The following ACTR3C variants were observed in gnomAD, a reference collection of about 807,000 sequenced individuals.
ACTR3C encodes the protein actin-related protein 3C.
Under a neutral mutation model 26.3 loss-of-function variants are expected in ACTR3C, and 18 were observed. The ratio of observed to expected loss-of-function variants is 0.68; its 90% confidence interval spans 0.47 to 1.01. The LOEUF is 1.01. ACTR3C is among the 50% of genes least tolerant of loss of function. ACTR3C has a pLI of 0.00. For synonymous variants in ACTR3C, 55 were observed against 94.5 expected (o/e 0.58, Z 2.42); for missense variants, 184 against 250.7 (o/e 0.73, Z 1.80).
chr7:150,253,324 T>C (rs1832977392), intron 6 of ACTR3C, among the ~76,000 whole-genome samples: 1 of 152,234 alleles, frequency 6.6e-6, no homozygotes, highest in South Asian at 2.1e-4. Context: ...TAAGTCTGCA[T>C]AGCTTTCCAG....
At position 150,302,302 on chromosome 7, in the gene ACTR3C, G is replaced by A. The variant is rs577463529; in HGVS notation, c.-51-6955C>T. ...AGCAAGCCTCTTGCGCGGTGCTGAC[G>A]GCAGTCTGAAATGGCACACTGTGCA... is the stretch of plus-strand genomic sequence containing the variant. On this transcript the variant is annotated intron_variant, in intron 1 of 7. Transcript: ENST00000683684. 1.7e-3 allele frequency among the ~76,000 whole-genome samples: 263 copies of A among 152,262 alleles called. 1 individual carries two copies. Among genetic ancestry groups the A allele is most frequent in the African/African-American group, 5.9e-3 (244 of 41,510 alleles).
At chr7:149,975,323 G>A in the ACTR3C span, among the ~76,000 whole-genome samples, 1 of 151,966 alleles carries the variant, frequency 6.6e-6, no homozygotes, top group Non-Finnish European at 1.5e-5. Flanking sequence ...GAAACCACAA[G>A]GGAAACACAA....
the ACTR3C span, among the ~76,000 whole-genome samples, chr7:150,149,087 A>G: frequency 0.038 from 432 of 11,278 alleles, 21 homozygotes; most frequent in Non-Finnish European, 0.072. Flanking sequence ...GAGTATATAT[A>G]TATATATATA....
At chr7:150,108,087 A>G in the ACTR3C span, among the ~76,000 whole-genome samples, 15,034 of 138,720 alleles carry the variant, frequency 0.11, 1,067 homozygotes, top group African/African-American at 0.17. Flanking sequence ...GTGATCTGAT[A>G]GCAGTGGGTA....
the ACTR3C span, among the ~76,000 whole-genome samples, chr7:149,937,418 A>G: frequency 0.96 from 144,651 of 151,282 alleles, 69,397 homozygotes; most frequent in East Asian, 1. Context: ...AAAGCAGACA[A>G]GATGAAAGAC....
the ACTR3C span, chr7:150,001,015 C>T: frequency 0.015 from 2,347 of 151,912 alleles, 17 homozygotes; most frequent in African/African-American, 0.055. Flanking sequence ...CATCACCAGA[C>T]GACACCCAAG....
the ACTR3C span, among the ~76,000 whole-genome samples, chr7:149,996,011 G>A: frequency 6.6e-6 from 1 of 152,006 alleles, no homozygotes; most frequent in African/African-American, 2.4e-5. Flanking sequence ...CACCTGTGCG[G>A]TATGTGCAGT....
At chr7:150,126,392 T>C in the ACTR3C span, among the ~76,000 whole-genome samples, 8 of 152,224 alleles carry the variant, frequency 5.3e-5, no homozygotes, top group Non-Finnish European at 1.2e-4. Flanking sequence ...CACTTCTTTT[T>C]TGGGGTCACA....
At chr7:150,297,599 C>T (rs1299080075) in intron 1 of ACTR3C, among the ~76,000 whole-genome samples, 3 of 152,214 alleles carry the variant, frequency 2.0e-5, no homozygotes, top group Non-Finnish European at 4.4e-5. Context: ...TGCCTGTAAT[C>T]CCAGCACTTT....
chr7:150,071,813 C>T, the ACTR3C span, among the ~76,000 whole-genome samples: 1 of 151,462 alleles, frequency 6.6e-6, no homozygotes, highest in African/African-American at 2.4e-5. Flanking sequence ...CTGCGGGCAG[C>T]ACACAGTGTC....
At chr7:150,003,082 G>A in the ACTR3C span, 1 of 152,266 alleles carries the variant, frequency 6.6e-6, no homozygotes, top group Non-Finnish European at 1.5e-5. Context: ...AGTTGAGGTA[G>A]GGAGATGTAG....
the ACTR3C span, among the ~76,000 whole-genome samples, chr7:150,069,498 CATT>C: frequency 6.6e-6 from 1 of 152,290 alleles, no homozygotes; most frequent in African/African-American, 2.4e-5. Flanking sequence ...CACACATCAT[CATT>C]GTGTTAGTGG....
the ACTR3C span, among the ~76,000 whole-genome samples, chr7:149,902,003 T>C: frequency 4.7e-5 from 7 of 149,740 alleles, no homozygotes; most frequent in African/African-American, 1.5e-4. Context: ...TATAGGATTA[T>C]AGGATGTGGG....
At chr7:150,153,351 A>G in the ACTR3C span, among the ~76,000 whole-genome samples, 1 of 141,674 alleles carries the variant, frequency 7.1e-6, no homozygotes, top group Non-Finnish European at 1.5e-5. Context: ...TCCAGAATCT[A>G]CAATGAACTC....
the ACTR3C span, among the ~76,000 whole-genome samples, chr7:149,900,111 T>C: frequency 1.3e-5 from 2 of 149,532 alleles, no homozygotes; most frequent in African/African-American, 2.5e-5. Context: ...GCACACCTAC[T>C]TCAAAAGAAT....
chr7:150,222,451 G>A, the ACTR3C span, among the ~76,000 whole-genome samples: 2 of 152,158 alleles, frequency 1.3e-5, no homozygotes, highest in Non-Finnish European at 2.9e-5. Context: ...TTCATCAGCC[G>A]TTACTACCAA....
At chr7:150,026,412 C>T in the ACTR3C span, among the ~76,000 whole-genome samples, 10 of 152,086 alleles carry the variant, frequency 6.6e-5, no homozygotes, top group Admixed American at 4.6e-4. Context: ...GTATCTCAGG[C>T]CTCTATTATT....
the ACTR3C span, among the ~76,000 whole-genome samples, chr7:149,954,397 C>A: frequency 6.6e-6 from 1 of 152,148 alleles, no homozygotes; most frequent in Non-Finnish European, 1.5e-5. Flanking sequence ...CTGCCCCCAA[C>A]CTAACAAAAA....
chr7:150,079,383 C>G, the ACTR3C span, among the ~76,000 whole-genome samples: 1 of 152,168 alleles, frequency 6.6e-6, no homozygotes, highest in Non-Finnish European at 1.5e-5. Context: ...GGTGACAGCC[C>G]AGTCAGTCTC....
Sources: allele counts gnomAD v4.1 joint callset (sites outside exome capture counted in the v4.1 genomes callset), GRCh38; gene constraint gnomAD v4.1.1; transcripts MANE v1.5; gene names NCBI Gene and HGNC (gene_info 2026-07-23, HGNC 2026-07-21).